The following DAZAP1 variants were observed in gnomAD, a reference collection of about 807,000 sequenced individuals.
The protein encoded by DAZAP1 is DAZ associated protein 1.
In DAZAP1, 6 loss-of-function variants were observed where a neutral mutation model predicts 60.1. The observed-to-expected ratio is 0.10, with a 90% CI of 0.05 to 0.20. DAZAP1 has a LOEUF of 0.20. Ranked by LOEUF, DAZAP1 falls within the 10% of genes least tolerant of loss-of-function variation. The pLI, the probability that DAZAP1 is intolerant of heterozygous loss-of-function variation, is 1.00. For synonymous variants in DAZAP1, 235 were observed against 215.9 expected, an observed-to-expected ratio of 1.09 and a Z score of -0.78; for missense variants, 366 against 560.4, an observed-to-expected ratio of 0.65 and a Z score of 3.50.
chr19:1,422,390 C>G lies in DAZAP1; in HGVS notation c.457C>G (p.Pro153Ala). 1 of 1,613,948 alleles carries G rather than the reference C, an allele frequency of 6.2e-7. No individual in the cohort carries two copies. Among genetic ancestry groups the G allele is most frequent in the Non-Finnish European group, 8.5e-7 (1 of 1,179,882 alleles). The change falls in exon 6 of 12, where the codon CCC (proline) becomes GCC (alanine). Residue 153 changes from proline (P) to alanine (A), a missense_variant. Physicochemically the swap from Pro to Ala is conservative, Grantham distance 27. Coordinates refer to ENST00000233078, the MANE Select transcript of DAZAP1 (RefSeq NM_018959.4). This position sits in a 1 kb window ranked among gnomAD's most constrained non-coding sequence, Gnocchi z 4.5. ...VMIYDAEKQR[P>A]RGFGFITFED... is the part of the protein sequence containing the mutation. ...GATCTATGACGCCGAGAAGCAGAGG[C>G]CCCGAGGTAAGGGCAGATCTAGTTT...
At chr19:1,417,767 G>C (rs539955418) in intron 2 of DAZAP1, among the ~76,000 whole-genome samples, 1 of 152,318 alleles carries the variant, frequency 6.6e-6, no homozygotes, top group African/African-American at 2.4e-5. Context: ...CAGGTTCCTA[G>C]CTCCGGGCTG....
chr19:1,407,728 C>G lies in DAZAP1; in HGVS notation c.-46C>G. 1 of 1,072,132 alleles carries G rather than the reference C, an allele frequency of 9.3e-7. No individual in the cohort carries two copies. The highest frequency in any genetic ancestry group is 1.1e-6 in the Non-Finnish European group (1 of 887,606). 66.4% of individuals were successfully genotyped at this position (1,072,132 alleles called of 1,614,324 possible). A position where few individuals can be genotyped will look rare whatever the true frequency, so the allele number is the denominator to read the frequency against. Reference sequence around the variant, plus strand: ...GCGGGTGACCTTCCGGAGGCGGGAGCGAGCGAGGAGGCCCGGGAGCGCCGA... The same window carrying G: ...GCGGGTGACCTTCCGGAGGCGGGAGGGAGCGAGGAGGCCCGGGAGCGCCGA... On this transcript the variant is annotated 5_prime_UTR_variant, in exon 1 of 12. Coordinates refer to ENST00000233078, the MANE Select transcript of DAZAP1 (RefSeq NM_018959.4).
intron 8 of DAZAP1, among the ~76,000 whole-genome samples, chr19:1,429,274 G>A (rs369150815): frequency 6.6e-6 from 1 of 152,244 alleles, no homozygotes; most frequent in Non-Finnish European, 1.5e-5. Flanking sequence ...TCTGCACCTC[G>A]CGACCGTGTG....
chr19:1,429,457 C>T (rs549257230), intron 8 of DAZAP1, among the ~76,000 whole-genome samples: 7 of 152,326 alleles, frequency 4.6e-5, no homozygotes, highest in South Asian at 2.1e-4. Context: ...CGTTGTGGGC[C>T]GTCCTTGGAG....
Position 1,432,561 on chromosome 19 carries a change from C to G in DAZAP1, c.919C>G (p.Pro307Ala). 6.2e-7 allele frequency: 1 copy of G among 1,613,702 alleles called. No individual in the cohort carries two copies. The highest frequency in any genetic ancestry group is 8.5e-7 in the Non-Finnish European group (1 of 1,180,008). The change falls in exon 11 of 12, where the codon CCG becomes GCG. Residue 307 changes from proline (P) to alanine (A), a missense_variant. This residue lies in a region of DAZAP1 where 240 missense variants were observed against 308.8 expected (regional missense o/e 0.78). Coordinates refer to ENST00000233078, the MANE Select transcript of DAZAP1 (RefSeq NM_018959.4). This position sits in a 1 kb window ranked among gnomAD's most constrained non-coding sequence, Gnocchi z 4.9. ...TCCACCGCCAGATCAGTTTGCCCCT[C>G]CGGGGGTTCCTCCTCCACCAGCCAC... is the stretch of plus-strand genomic sequence containing the variant. ...PPPPPDQFAP[P>A]GVPPPPATPG... is the part of the protein sequence containing the mutation.
chr19:1,419,907 C>T (rs2083100312), intron 4 of DAZAP1, among the ~76,000 whole-genome samples: 1 of 144,308 alleles, frequency 6.9e-6, no homozygotes, highest in Non-Finnish European at 1.5e-5. Flanking sequence ...CTCATGAAAC[C>T]ATCCCGATCG....
At position 1,418,760 on chromosome 19, in the gene DAZAP1, G is replaced by A. The variant is rs571649112; in HGVS notation, c.303+29G>A. On this transcript the variant is annotated intron_variant, in intron 4 of 11. Transcript: ENST00000233078. The surrounding 1 kb of genome is among the most constrained non-coding windows in gnomAD (Gnocchi z 5.7). ...AGGGGCTGGGCCGGGCGGCCTCCTTGTGTGTTCTCCACTCCACGTGGAAAG... is the reference window on the plus strand; with the variant it reads ...AGGGGCTGGGCCGGGCGGCCTCCTTATGTGTTCTCCACTCCACGTGGAAAG... The A allele has an allele frequency of 1.9e-6, 3 of 1,576,476 alleles. No homozygotes were observed. The East Asian group carries it at 6.8e-5, about 36-fold the overall frequency.
chr19:1,426,865 T>C lies in DAZAP1; in HGVS notation c.546+905T>C, dbSNP rs1404375253. Reference sequence around the variant, plus strand: ...CTCCTTGGTGCGGCAGCTTCTCCCGTTAACGGAAGAAGACGCTTAGCCCCT... The same window carrying C: ...CTCCTTGGTGCGGCAGCTTCTCCCGCTAACGGAAGAAGACGCTTAGCCCCT... On this transcript the variant is annotated intron_variant, in intron 7 of 11. Coordinates refer to ENST00000233078, the MANE Select transcript of DAZAP1 (RefSeq NM_018959.4). This position sits in a 1 kb window ranked among gnomAD's most constrained non-coding sequence, Gnocchi z 5.4. 1.3e-5 allele frequency: 2 copies of C among 152,308 alleles called. No individual in the cohort carries two copies. The highest frequency in any genetic ancestry group is 1.3e-4 in the Admixed American group (2 of 15,296). 9.4% of individuals were successfully genotyped at this position (152,308 alleles called of 1,614,324 possible). A position where few individuals can be genotyped will look rare whatever the true frequency, so the allele number is the denominator to read the frequency against.
chr19:1,434,480 T>A lies in DAZAP1; in HGVS notation c.1049-257T>A. ...TCTTCGGGATTGAACAGGGAAGCGG[T>A]GAGGTTACGTGGGCCATGGAGGGCT... On this transcript the variant is annotated intron_variant, in intron 11 of 11. Transcript: ENST00000233078. The surrounding 1 kb of genome is among the most constrained non-coding windows in gnomAD (Gnocchi z 8.0). 1 of 440,280 alleles carries A rather than the reference T, an allele frequency of 2.3e-6. No homozygotes were observed. The highest frequency in any genetic ancestry group is 3.0e-5 in the South Asian group (1 of 33,656). The allele number at this position is 440,280 out of a possible 1,614,324, so 27.3% of individuals were successfully genotyped here.
In DAZAP1 at chr19:1,433,763, C is replaced by T. The variant is rs747983776; in HGVS notation, c.1049-974C>T. The T allele has an allele frequency of 4.6e-5, 74 of 1,613,848 alleles. No homozygotes were observed. The highest frequency in any genetic ancestry group is 6.0e-5 in the Non-Finnish European group (71 of 1,179,910). On this transcript the variant is annotated intron_variant, in intron 11 of 11. Coordinates refer to ENST00000233078, the MANE Select transcript of DAZAP1 (RefSeq NM_018959.4). This position sits in a 1 kb window ranked among gnomAD's most constrained non-coding sequence, Gnocchi z 6.1. Reference sequence around the variant, plus strand: ...GGCCTGGGTTCCTATTCTCCAGCCCCGCCGGGCTGCGGCCCACACTTTGTT... The same window carrying T: ...GGCCTGGGTTCCTATTCTCCAGCCCTGCCGGGCTGCGGCCCACACTTTGTT...
In DAZAP1 at chr19:1,428,880, C is replaced by T; in HGVS notation, c.585C>T (p.Ser195=). The T allele has an allele frequency of 6.2e-7, 1 of 1,613,040 alleles. No individual in the cohort carries two copies. The change falls in exon 8 of 12, where the codon AGC becomes AGT. Residue 195 remains serine (S), a synonymous_variant. Coordinates refer to ENST00000233078, the MANE Select transcript of DAZAP1 (RefSeq NM_018959.4). The surrounding 1 kb of genome is among the most constrained non-coding windows in gnomAD (Gnocchi z 4.0). ...GAGCTGAGCCTCGGGACAGCAAGAG[C>T]CAAGCGCCGGGACAGCCAGGTGCCA... The part of the protein sequence containing the change: ...VKRAEPRDSK[S]QAPGQPGASQ...
At position 1,434,579 on chromosome 19, in the gene DAZAP1, C is replaced by T. The variant is rs2083547259; in HGVS notation, c.1049-158C>T. 1 of 658,688 alleles carries T rather than the reference C, an allele frequency of 1.5e-6. No homozygotes were observed. The highest frequency in any genetic ancestry group is 1.9e-5 in the African/African-American group (1 of 52,370). The allele number at this position is 658,688 out of a possible 1,614,324, so 40.8% of individuals were successfully genotyped here. On this transcript the variant is annotated intron_variant, in intron 11 of 11. Coordinates refer to ENST00000233078, the MANE Select transcript of DAZAP1 (RefSeq NM_018959.4). The surrounding 1 kb of genome is among the most constrained non-coding windows in gnomAD (Gnocchi z 8.0). ...GGAGAGAACATGCCCGGGGTCCTCT[C>T]CCCGGCCCAGGTGCTGGCCTCAGAA...
At chr19:1,413,883 C>T (rs569090626) in intron 1 of DAZAP1, among the ~76,000 whole-genome samples, 1 of 152,114 alleles carries the variant, frequency 6.6e-6, no homozygotes, top group Non-Finnish European at 1.5e-5. Flanking sequence ...TTCTGACTTA[C>T]AGGAAAATTA....
chr19:1,426,047 C>T lies in DAZAP1; in HGVS notation c.546+87C>T, dbSNP rs1438345947. 24 of 998,654 alleles carry T rather than the reference C, an allele frequency of 2.4e-5. No individual in the cohort carries two copies. In the East Asian group the frequency reaches 3.8e-4, roughly 16 times the overall value. 61.9% of individuals were successfully genotyped at this position (998,654 alleles called of 1,614,324 possible). On this transcript the variant is annotated intron_variant, in intron 7 of 11. Transcript: ENST00000233078. The surrounding 1 kb of genome is among the most constrained non-coding windows in gnomAD (Gnocchi z 5.4). The stretch of plus-strand genomic sequence containing the variant: ...TTCACTGGAAAGGAACATTCCTTCA[C>T]GGAAAGGGTCGGGCGAGTTCGTCCT...
chr19:1,432,999 G>GCA lies in DAZAP1; in HGVS notation c.1048+309_1048+310insCA. ...TGAGTCGCAGGCAGCTGTGATCACTGTCTAGAGGTTCAGGCCCTCGGTGTG... is the reference window on the plus strand; with the variant it reads ...TGAGTCGCAGGCAGCTGTGATCACTGCATCTAGAGGTTCAGGCCCTCGGTGTG... On this transcript the variant is annotated intron_variant, in intron 11 of 11. Coordinates refer to ENST00000233078, the MANE Select transcript of DAZAP1 (RefSeq NM_018959.4). The surrounding 1 kb of genome is among the most constrained non-coding windows in gnomAD (Gnocchi z 4.9). 2.8e-6 allele frequency: 1 copy of GCA among 352,890 alleles called. No individual in the cohort carries two copies. The highest frequency in any genetic ancestry group is 5.9e-5 in the East Asian group (1 of 17,024). 21.9% of individuals were successfully genotyped at this position (352,890 alleles called of 1,614,324 possible). A position where few individuals can be genotyped will look rare whatever the true frequency, so the allele number is the denominator to read the frequency against.
rs907647784 is a variant in DAZAP1 at position 1,432,823 on chromosome 19, G to T, written c.1048+133G>T. The stretch of plus-strand genomic sequence containing the variant: ...TGGGAAAGGGGAGAGGGAGGAGAGG[G>T]GGGTGTGGGGGTTGTTGGAGAGATC... On this transcript the variant is annotated intron_variant, in intron 11 of 11. Transcript: ENST00000233078. This position sits in a 1 kb window ranked among gnomAD's most constrained non-coding sequence, Gnocchi z 4.9. 2.8e-6 allele frequency: 3 copies of T among 1,074,938 alleles called. No homozygotes were observed. Among genetic ancestry groups the T allele is most frequent in the South Asian group, 1.6e-5 (1 of 62,802 alleles). The allele number at this position is 1,074,938 out of a possible 1,614,324, so 66.6% of individuals were successfully genotyped here.
At chr19:1,412,154 C>A (rs772740320) in intron 1 of DAZAP1, among the ~76,000 whole-genome samples, 1 of 152,152 alleles carries the variant, frequency 6.6e-6, no homozygotes, top group African/African-American at 2.4e-5. Flanking sequence ...GCAGCGCGTT[C>A]CAGTTCACGG....
Position 1,418,029 on chromosome 19 carries a change from A to C in DAZAP1, c.71-175A>C, listed in dbSNP as rs944474087. Among the ~76,000 whole-genome samples, 4 of 152,088 alleles carry C rather than the reference A, an allele frequency of 2.6e-5. No homozygotes were observed. The highest frequency in any genetic ancestry group is 2.0e-4 in the Admixed American group (3 of 15,280). On this transcript the variant is annotated intron_variant, in intron 2 of 11. Transcript: ENST00000233078. The surrounding 1 kb of genome is among the most constrained non-coding windows in gnomAD (Gnocchi z 5.7). The stretch of plus-strand genomic sequence containing the variant: ...AGCCCCTGATTTACGTGAGGACCTC[A>C]AGTGTGTGTTGGGCAGAATTCCCCA...
At position 1,423,997 on chromosome 19, in the gene DAZAP1, G is replaced by T. The variant is rs372727836; in HGVS notation, c.463+1601G>T. On this transcript the variant is annotated intron_variant, in intron 6 of 11. Coordinates refer to ENST00000233078, the MANE Select transcript of DAZAP1 (RefSeq NM_018959.4). The surrounding 1 kb of genome is among the most constrained non-coding windows in gnomAD (Gnocchi z 6.8). Reference sequence around the variant, plus strand: ...TGGAGGGCCGGAGAGACGCTGCGGCGCTGCTTAGCGGGTCCTCCCAGAGAG... The same window carrying T: ...TGGAGGGCCGGAGAGACGCTGCGGCTCTGCTTAGCGGGTCCTCCCAGAGAG... Among the ~76,000 whole-genome samples the T allele has an allele frequency of 3.2e-4, 49 of 152,314 alleles. No homozygotes were observed. The East Asian group carries it at 6.4e-3, about 20-fold the overall frequency.
Sources: allele counts gnomAD v4.1 joint callset (sites outside exome capture counted in the v4.1 genomes callset), GRCh38; gene constraint gnomAD v4.1.1; regional missense constraint gnomAD v4.1.1; non-coding constraint Gnocchi (gnomAD v3.1); transcripts MANE v1.5; gene names NCBI Gene and HGNC (gene_info 2026-07-23, HGNC 2026-07-21).